The following DDAH1 variants were observed in gnomAD, a reference collection of about 807,000 sequenced individuals.
DDAH1 encodes the protein dimethylarginine dimethylaminohydrolase 1, also known as N(G),N(G)-dimethylarginine dimethylaminohydrolase 1.
A neutral mutation model predicts 28.8 loss-of-function variants in DDAH1; 19 were observed. That is an observed-to-expected ratio of 0.66 (90% CI 0.46 to 0.97). The LOEUF (loss-of-function observed/expected upper bound fraction) is 0.97. Ranked by LOEUF, DDAH1 falls within the 50% of genes least tolerant of loss-of-function variation. The pLI, the probability that DDAH1 is intolerant of heterozygous loss-of-function variation, is 0.00. For synonymous variants in DDAH1, 153 were observed against 154.4 expected (o/e 0.99, Z 0.07); for missense variants, 326 against 375.9 (o/e 0.87, Z 1.10).
Position 85,319,448 on chromosome 1 carries a change from T to C in DDAH1, c.*2004A>G, listed in dbSNP as rs1661233182. ...ATAGAAGTAAAGATATTAAAAATTA[T>C]ATGCTGGTAAGCCTAAACTGGCAGA... is the stretch of plus-strand genomic sequence containing the variant. On this transcript the variant is annotated 3_prime_UTR_variant, in exon 6 of 6. Coordinates refer to ENST00000284031, the MANE Select transcript of DDAH1 (RefSeq NM_012137.4). 6.6e-6 allele frequency: 1 copy of C among 152,248 alleles called. No homozygotes were observed. The highest frequency in any genetic ancestry group is 2.4e-5 in the African/African-American group (1 of 41,472). 9.4% of individuals were successfully genotyped at this position (152,248 alleles called of 1,614,324 possible). A position where few individuals can be genotyped will look rare whatever the true frequency, so the allele number is the denominator to read the frequency against.
At chr1:85,469,992 G>T (rs904174509), upstream of DDAH1, among the ~76,000 whole-genome samples, 2 of 152,126 alleles carry the variant, frequency 1.3e-5, no homozygotes, top group Admixed American at 6.5e-5. Flanking sequence ...TGATAATATT[G>T]CTGGTATCTT....
intron 1 of DDAH1, among the ~76,000 whole-genome samples, chr1:85,436,162 A>C (rs1289311545): frequency 1.3e-5 from 2 of 152,146 alleles, no homozygotes; most frequent in African/African-American, 2.4e-5. Context: ...ACTAAAAATA[A>C]AGGTGAAAAA....
At chr1:85,410,688 C>T (rs931341098) in intron 1 of DDAH1, among the ~76,000 whole-genome samples, 2 of 151,042 alleles carry the variant, frequency 1.3e-5, no homozygotes, top group African/African-American at 4.9e-5. Flanking sequence ...TTCTGGGGTT[C>T]AGGTACTGAG....
At position 85,456,559 on chromosome 1, in the gene DDAH1, G is replaced by A. The variant is rs191241617; in HGVS notation, c.303+8184C>T. Among the ~76,000 whole-genome samples the A allele has an allele frequency of 5.6e-4, 86 of 152,338 alleles. 1 individual carries two copies. Among genetic ancestry groups the A allele is most frequent in the Middle Eastern group, 3.4e-3 (1 of 294 alleles). ...TTATTTTAAAGTAGGCTTTGTGTTAGATGATTTTGTCTAACTATAGGCTAA... is the reference window on the plus strand; with the variant it reads ...TTATTTTAAAGTAGGCTTTGTGTTAAATGATTTTGTCTAACTATAGGCTAA... On this transcript the variant is annotated intron_variant, in intron 1 of 5. Transcript: ENST00000284031.
chr1:85,554,288 T>TC (rs1468821043), intron 1 of DDAH1, among the ~76,000 whole-genome samples: 2 of 150,376 alleles, frequency 1.3e-5, no homozygotes, highest in Admixed American at 6.6e-5. Flanking sequence ...TTTTTTTTTT[T>TC]TTTTTTTTTT....
chr1:85,560,649 T>C lies in DDAH1; in HGVS notation c.-123+17335A>G, dbSNP rs1052818265. Among the ~76,000 whole-genome samples, 10 of 151,992 alleles carry C rather than the reference T, an allele frequency of 6.6e-5. No homozygotes were observed. In the Middle Eastern group the frequency reaches 0.017, roughly 258 times the overall value. On this transcript the variant is annotated intron_variant, in intron 1 of 6. Coordinates refer to the DDAH1 transcript ENST00000426972. ...TATTGCAAACCCCAGAGCAATCAAT[T>C]AAAAAAATAAGTAGCATTAGAATGA... is the stretch of plus-strand genomic sequence containing the variant.
chr1:85,403,930 T>C (rs1256141285), intron 1 of DDAH1, among the ~76,000 whole-genome samples: 2 of 152,232 alleles, frequency 1.3e-5, no homozygotes, highest in African/African-American at 2.4e-5. Flanking sequence ...TGGATACATG[T>C]TGTACTCTTG....
chr1:85,349,431 G>T (rs866491469), intron 4 of DDAH1, among the ~76,000 whole-genome samples: 14 of 151,986 alleles, frequency 9.2e-5, no homozygotes, highest in Admixed American at 2.0e-4. Flanking sequence ...AGAGCCTCAG[G>T]GCCCACAGAT....
intron 1 of DDAH1, among the ~76,000 whole-genome samples, chr1:85,386,049 C>CA (rs1651241110): frequency 2.0e-5 from 3 of 152,158 alleles, no homozygotes; most frequent in Non-Finnish European, 4.4e-5. Context: ...GATCTACCCC[C>CA]ATGACACAAA....
At position 85,436,461 on chromosome 1, in the gene DDAH1, A is replaced by G. The variant is rs1222585637; in HGVS notation, c.303+28282T>C. 2.0e-5 allele frequency among the ~76,000 whole-genome samples: 3 copies of G among 152,342 alleles called. No homozygotes were observed. In the East Asian group the frequency reaches 5.8e-4, roughly 29 times the overall value. On this transcript the variant is annotated intron_variant, in intron 1 of 5. Coordinates refer to ENST00000284031, the MANE Select transcript of DDAH1 (RefSeq NM_012137.4). The stretch of plus-strand genomic sequence containing the variant: ...CCAAAACCCCAGGGAAAGCTGTTGC[A>G]TATCATTAATACGAATGTGTTAGAA...
At chr1:85,456,018 C>T (rs1306753756) in intron 1 of DDAH1, among the ~76,000 whole-genome samples, 1 of 152,050 alleles carries the variant, frequency 6.6e-6, no homozygotes, top group African/African-American at 2.4e-5. Flanking sequence ...ATCATCAGCT[C>T]CCCATCCACT....
intron 1 of DDAH1, among the ~76,000 whole-genome samples, chr1:85,409,260 C>A (rs1043688758): frequency 1.3e-5 from 2 of 152,166 alleles, no homozygotes; most frequent in Non-Finnish European, 1.5e-5. Flanking sequence ...TCCAGACTTT[C>A]CACATTTCTG....
chr1:85,499,336 A>G (rs1656712930), intron 1 of DDAH1, among the ~76,000 whole-genome samples: 1 of 152,214 alleles, frequency 6.6e-6, no homozygotes, highest in Middle Eastern at 3.2e-3. Flanking sequence ...AATTTAAGAA[A>G]TAATAAGTAG....
intron 1 of DDAH1, among the ~76,000 whole-genome samples, chr1:85,406,305 T>C (rs762412252): frequency 6.6e-6 from 1 of 152,220 alleles, no homozygotes. Context: ...GAAGCTTTCC[T>C]CATCACTACA....
upstream of DDAH1, among the ~76,000 whole-genome samples, chr1:85,466,939 G>C (rs1286157931): frequency 7.1e-6 from 1 of 141,740 alleles, no homozygotes; most frequent in African/African-American, 2.6e-5. Context: ...CGGGGTTCAA[G>C]TGATTCTCCT....
At chr1:85,512,230 C>G (rs535314220) in intron 1 of DDAH1, among the ~76,000 whole-genome samples, 6 of 152,300 alleles carry the variant, frequency 3.9e-5, no homozygotes, top group African/African-American at 7.2e-5. Flanking sequence ...ATCACATAAA[C>G]AGAACCAAAG....
chr1:85,381,110 C>T (rs928483176), intron 1 of DDAH1, among the ~76,000 whole-genome samples: 7 of 151,396 alleles, frequency 4.6e-5, no homozygotes, highest in African/African-American at 9.7e-5. Flanking sequence ...TGGTGGTGGG[C>T]GCCTGTAATC....
At chr1:85,339,780 C>A (rs1327419467) in intron 4 of DDAH1, among the ~76,000 whole-genome samples, 1 of 152,160 alleles carries the variant, frequency 6.6e-6, no homozygotes, top group Admixed American at 6.5e-5. Context: ...TTATCAACAC[C>A]TACGGCATTT....
intron 1 of DDAH1, among the ~76,000 whole-genome samples, chr1:85,432,221 G>A (rs17388521): frequency 0.16 from 23,834 of 152,138 alleles, 2,267 homozygotes; most frequent in Admixed American, 0.22. Context: ...TAGCAAGATT[G>A]AACATCACCA....
Sources: gnomAD v4.1 joint callset for allele counts (sites outside exome capture counted in the v4.1 genomes callset) on GRCh38, gnomAD v4.1.1 for gene constraint, MANE v1.5 for transcripts, NCBI Gene and HGNC (gene_info 2026-07-23, HGNC 2026-07-21) for gene names.